The following MRAP2 variants were observed in gnomAD, a reference collection of about 807,000 sequenced individuals.
The protein encoded by MRAP2 is melanocortin-2 receptor accessory protein 2.
A neutral mutation model predicts 17.4 loss-of-function variants in MRAP2; 20 were observed. The ratio of observed to expected loss-of-function variants is 1.15; its 90% CI spans 0.81 to 1.67. The LOEUF (loss-of-function observed/expected upper bound fraction) is 1.67. Among genes scored for constraint, MRAP2 ranks in the 40% most tolerant of loss-of-function variants. The pLI is 0.00. For synonymous variants in MRAP2, 96 were observed against 88.4 expected (o/e 1.09, Z -0.48); for missense variants, 238 against 240.0 (o/e 0.99, Z 0.05).
chr6:84,046,236 G>A (rs1379324149), intron 1 of MRAP2, among the ~76,000 whole-genome samples: 2 of 151,918 alleles, frequency 1.3e-5, no homozygotes, highest in Non-Finnish European at 2.9e-5. Flanking sequence ...TCTTTACTTT[G>A]CAAAATAAAA....
the MRAP2 span, among the ~76,000 whole-genome samples, chr6:84,145,580 G>T: frequency 6.6e-6 from 1 of 152,094 alleles, no homozygotes; most frequent in Admixed American, 6.6e-5. Flanking sequence ...TATCTCTGGG[G>T]TTTTGTTATT....
chr6:84,065,142 G>A (rs371362695), intron 3 of MRAP2, among the ~76,000 whole-genome samples: 3 of 152,094 alleles, frequency 2.0e-5, no homozygotes, highest in East Asian at 1.9e-4. Flanking sequence ...AAAATCAGCC[G>A]GGCATGGTGG....
chr6:84,039,930 A>C (rs980628670), intron 1 of MRAP2, among the ~76,000 whole-genome samples: 2 of 152,336 alleles, frequency 1.3e-5, no homozygotes, highest in South Asian at 4.1e-4. Context: ...ATATAATTCT[A>C]TCTTCTGTGG....
the MRAP2 span, among the ~76,000 whole-genome samples, chr6:84,113,378 G>A: frequency 5.9e-5 from 9 of 152,166 alleles, no homozygotes; most frequent in Admixed American, 5.2e-4. Context: ...TTTGTTTAAA[G>A]TCTGTTTTAT....
At chr6:84,145,234 C>T in the MRAP2 span, among the ~76,000 whole-genome samples, 1 of 152,062 alleles carries the variant, frequency 6.6e-6, no homozygotes, top group African/African-American at 2.4e-5. Context: ...AAGGAATTTA[C>T]CTGGATCTAT....
At chr6:84,066,576 C>T (rs548870485) in intron 3 of MRAP2, among the ~76,000 whole-genome samples, 80 of 152,180 alleles carry the variant, frequency 5.3e-4, no homozygotes, top group South Asian at 2.3e-3. Flanking sequence ...AGGGGAAGGA[C>T]GATACAACAT....
chr6:84,127,821 G>C, the MRAP2 span, among the ~76,000 whole-genome samples: 1 of 152,120 alleles, frequency 6.6e-6, no homozygotes, highest in African/African-American at 2.4e-5. Context: ...CTATGATAAA[G>C]GGATGGCCAA....
chr6:84,043,568 A>T (rs1302879471), intron 1 of MRAP2, among the ~76,000 whole-genome samples: 1 of 150,574 alleles, frequency 6.6e-6, no homozygotes, highest in East Asian at 2.0e-4. Flanking sequence ...TACCATCATG[A>T]GCCCTCCCTT....
intron 1 of MRAP2, among the ~76,000 whole-genome samples, chr6:84,042,839 G>C (rs1562870785): frequency 6.6e-6 from 1 of 152,196 alleles, no homozygotes; most frequent in Non-Finnish European, 1.5e-5. Context: ...AGAACGTTCA[G>C]CTTTTCTACT....
the MRAP2 span, among the ~76,000 whole-genome samples, chr6:84,121,077 A>AT: frequency 8.8e-3 from 1,252 of 141,872 alleles, 34 homozygotes; most frequent in Admixed American, 0.061. Flanking sequence ...TTATTTTTTA[A>AT]TTTTTTTTTT....
At position 84,088,324 on chromosome 6, in the gene MRAP2, G is replaced by C. The variant is rs368466924; in HGVS notation, c.228-767G>C. 2.0e-4 allele frequency among the ~76,000 whole-genome samples: 30 copies of C among 152,212 alleles called. No individual in the cohort carries two copies. In the East Asian group the frequency reaches 5.6e-3, roughly 28 times the overall value. ...TGGGCTCTTTCTTTCACGCACTTGT[G>C]GGACTCATTGAGAGTTATTTTATTC... On this transcript the variant is annotated intron_variant, in intron 3 of 3. Coordinates refer to ENST00000257776, the MANE Select transcript of MRAP2 (RefSeq NM_138409.4).
chr6:84,133,569 T>C, the MRAP2 span, among the ~76,000 whole-genome samples: 1 of 152,180 alleles, frequency 6.6e-6, no homozygotes, highest in Non-Finnish European at 1.5e-5. Flanking sequence ...CAACGGCGGA[T>C]GCCCCTCCCC....
intron 3 of MRAP2, among the ~76,000 whole-genome samples, chr6:84,072,020 CT>C (rs1318082751): frequency 3.9e-5 from 6 of 152,128 alleles, no homozygotes; most frequent in Admixed American, 3.9e-4. Context: ...CTTTGCCTTT[CT>C]TTGTTGCCTC....
intron 1 of MRAP2, among the ~76,000 whole-genome samples, chr6:84,042,910 C>T (rs2099488006): frequency 6.6e-6 from 1 of 152,200 alleles, no homozygotes; most frequent in African/African-American, 2.4e-5. Flanking sequence ...TTCTGTGGAA[C>T]AGAGCTGGAA....
the MRAP2 span, among the ~76,000 whole-genome samples, chr6:84,130,302 A>G: frequency 4.6e-5 from 7 of 152,176 alleles, no homozygotes; most frequent in Non-Finnish European, 1.0e-4. Flanking sequence ...CATCAGGGAT[A>G]CTGGCCTGAA....
Position 84,089,662 on chromosome 6 carries a change from G to A in MRAP2, c.*181G>A, listed in dbSNP as rs1223732325. On this transcript the variant is annotated 3_prime_UTR_variant, in exon 4 of 4. Coordinates refer to ENST00000257776, the MANE Select transcript of MRAP2 (RefSeq NM_138409.4). ...AGCTGATTAAGCTGAGTGGTTTTTT[G>A]TTTTGTTTTGTTTTTGCTTTTTAAT... 1 of 666,790 alleles carries A rather than the reference G, an allele frequency of 1.5e-6. No individual in the cohort carries two copies. The highest frequency in any genetic ancestry group is 2.4e-6 in the Non-Finnish European group (1 of 422,864). 41.3% of individuals were successfully genotyped at this position (666,790 alleles called of 1,614,324 possible). A position where few individuals can be genotyped will look rare whatever the true frequency, so the allele number is the denominator to read the frequency against.
the MRAP2 span, among the ~76,000 whole-genome samples, chr6:84,119,745 G>C: frequency 6.6e-6 from 1 of 152,126 alleles, no homozygotes; most frequent in African/African-American, 2.4e-5. Flanking sequence ...GATATTTTGT[G>C]TATCACAATA....
Position 84,047,627 on chromosome 6 carries a change from A to G in MRAP2, c.-7-7685A>G, listed in dbSNP as rs571230652. ...TTTACATTGTTGTACAACCATTACA[A>G]CTATCCATTTCCAGAACTTTTTCAT... On this transcript the variant is annotated intron_variant, in intron 1 of 3. Coordinates refer to ENST00000257776, the MANE Select transcript of MRAP2 (RefSeq NM_138409.4). Among the ~76,000 whole-genome samples the G allele has an allele frequency of 5.9e-5, 9 of 152,342 alleles. No individual in the cohort carries two copies. The South Asian group carries it at 1.9e-3, about 32-fold the overall frequency.
At chr6:84,131,578 T>C in the MRAP2 span, among the ~76,000 whole-genome samples, 2 of 152,228 alleles carry the variant, frequency 1.3e-5, no homozygotes, top group Non-Finnish European at 1.5e-5. Flanking sequence ...TCTTGTTGAA[T>C]TGATCCCTTT....
Sources: allele counts gnomAD v4.1 joint callset (sites outside exome capture counted in the v4.1 genomes callset), GRCh38; gene constraint gnomAD v4.1.1; transcripts MANE v1.5; gene names NCBI Gene and HGNC (gene_info 2026-07-23, HGNC 2026-07-21).